Variants in BBS9 observed in about 807,000 individuals in gnomAD.
BBS9 encodes the protein protein PTHB1.
In BBS9, 89 loss-of-function variants were observed where a neutral mutation model predicts 117.7. The ratio of observed to expected loss-of-function variants is 0.76; its 90% CI spans 0.64 to 0.90. The LOEUF is 0.90. BBS9 is among the 40% of genes least tolerant of loss of function. BBS9 has a pLI of 0.00. For missense variants in BBS9, 982 were observed against 1,042.2 expected (o/e 0.94, Z 0.80); for synonymous variants, 379 against 370.9 (o/e 1.02, Z -0.25).
intron 5 of BBS9, among the ~76,000 whole-genome samples, chr7:33,247,487 T>C (rs77597156): frequency 0.038 from 5,795 of 152,186 alleles, 200 homozygotes; most frequent in African/African-American, 0.089. Flanking sequence ...CCCACCTCTT[T>C]TTAAATCCAT....
chr7:33,267,682 C>T (rs1799058589), intron 7 of BBS9, among the ~76,000 whole-genome samples: 1 of 152,070 alleles, frequency 6.6e-6, no homozygotes, highest in Admixed American at 6.5e-5. Flanking sequence ...TTTATTTTTA[C>T]ATAGGCTGTG....
At chr7:33,132,732 T>G (rs987667142) in intron 1 of BBS9, among the ~76,000 whole-genome samples, 1 of 152,210 alleles carries the variant, frequency 6.6e-6, no homozygotes, top group African/African-American at 2.4e-5. Flanking sequence ...CTCCCACACC[T>G]ACCTGCTTAT....
chr7:33,180,726 G>A (rs1394161823), intron 5 of BBS9, among the ~76,000 whole-genome samples: 2 of 152,102 alleles, frequency 1.3e-5, no homozygotes, highest in African/African-American at 4.8e-5. Flanking sequence ...CAATCTGGTG[G>A]CCCGTATGGG....
intron 21 of BBS9, among the ~76,000 whole-genome samples, chr7:33,565,841 T>A (rs1856834457): frequency 7.3e-5 from 2 of 27,256 alleles, no homozygotes; most frequent in Non-Finnish European, 1.3e-4. Flanking sequence ...CTATATATAC[T>A]GCTTATATAT....
intron 19 of BBS9, among the ~76,000 whole-genome samples, chr7:33,405,463 C>G (rs1411574181): frequency 6.6e-5 from 10 of 152,198 alleles, no homozygotes. Flanking sequence ...GGCTGTGAAT[C>G]CATCTGGTCG....
At chr7:33,516,877 C>G (rs144344590) in intron 20 of BBS9, among the ~76,000 whole-genome samples, 176 of 152,340 alleles carry the variant, frequency 1.2e-3, no homozygotes, top group African/African-American at 4.1e-3. Flanking sequence ...CAGATCTTCT[C>G]ACCCACAACA....
intron 21 of BBS9, among the ~76,000 whole-genome samples, chr7:33,572,651 G>A (rs571394465): frequency 4.6e-5 from 7 of 152,192 alleles, no homozygotes; most frequent in Middle Eastern, 3.4e-3. Flanking sequence ...GGAGTGAGAT[G>A]ATGTCTCATT....
chr7:33,335,940 C>T (rs1454457584), intron 9 of BBS9, among the ~76,000 whole-genome samples: 4 of 151,502 alleles, frequency 2.6e-5, no homozygotes, highest in Non-Finnish European at 5.9e-5. Flanking sequence ...CTTTTTTTTT[C>T]GCAAGACCTC....
In BBS9 at chr7:33,605,264, T is replaced by C; in HGVS notation, c.*38T>C. The C allele has an allele frequency of 6.3e-7, 1 of 1,596,306 alleles. No homozygotes were observed. The highest frequency in any genetic ancestry group is 8.6e-7 in the Non-Finnish European group (1 of 1,163,908). On this transcript the variant is annotated 3_prime_UTR_variant, in exon 23 of 23. Transcript: ENST00000242067. ...TGTTTGGTTGAGAGGAACATCCCCATCTCAAGGCCGAACCTGTGTGAACCT... is the reference window on the plus strand; with the variant it reads ...TGTTTGGTTGAGAGGAACATCCCCACCTCAAGGCCGAACCTGTGTGAACCT...
chr7:33,256,396 T>C (rs1039728403), intron 5 of BBS9, among the ~76,000 whole-genome samples: 8 of 152,174 alleles, frequency 5.3e-5, no homozygotes, highest in African/African-American at 1.9e-4. Context: ...TCAGGCTATT[T>C]AAGGTTGATA....
At chr7:33,214,885 G>C (rs932279992) in intron 5 of BBS9, among the ~76,000 whole-genome samples, 1 of 152,128 alleles carries the variant, frequency 6.6e-6, no homozygotes, top group Admixed American at 6.5e-5. Context: ...AATAGCCAAA[G>C]CATCCCTAAT....
chr7:33,592,672 C>G (rs1862128371), intron 21 of BBS9, among the ~76,000 whole-genome samples: 1 of 152,064 alleles, frequency 6.6e-6, no homozygotes, highest in Admixed American at 6.6e-5. Flanking sequence ...CCCAGCTGGA[C>G]TCTCAGTTTC....
intron 19 of BBS9, among the ~76,000 whole-genome samples, chr7:33,407,888 A>C (rs1432423932): frequency 1.3e-5 from 2 of 152,246 alleles, no homozygotes; most frequent in African/African-American, 4.8e-5. Context: ...GTCAGGGGTC[A>C]GGGACCCACT....
chr7:33,354,427 G>T (rs1819261237), intron 15 of BBS9, among the ~76,000 whole-genome samples: 1 of 152,138 alleles, frequency 6.6e-6, no homozygotes, highest in Non-Finnish European at 1.5e-5. Context: ...CTGCATTAAA[G>T]TTACATGGCG....
intron 21 of BBS9, among the ~76,000 whole-genome samples, chr7:33,562,735 C>T (rs1856273161): frequency 6.6e-6 from 1 of 152,102 alleles, no homozygotes; most frequent in Non-Finnish European, 1.5e-5. Flanking sequence ...ACCATCCTGG[C>T]CAACATGGTG....
At chr7:33,608,917 C>T (rs766134465), downstream of BBS9, among the ~76,000 whole-genome samples, 6 of 152,086 alleles carry the variant, frequency 3.9e-5, no homozygotes, top group Non-Finnish European at 8.8e-5. Context: ...AGGACTTACT[C>T]ATAAGTTGTT....
At chr7:33,447,459 G>A (rs991613809) in intron 19 of BBS9, among the ~76,000 whole-genome samples, 11 of 152,202 alleles carry the variant, frequency 7.2e-5, no homozygotes, top group Admixed American at 6.5e-4. Context: ...CATGGCTTCA[G>A]TGGACTTTGA....
chr7:33,312,898 G>A (rs374509041), intron 9 of BBS9, among the ~76,000 whole-genome samples: 1 of 152,110 alleles, frequency 6.6e-6, no homozygotes, highest in East Asian at 1.9e-4. Context: ...TCAGGACAGA[G>A]ATTTTTGGGT....
chr7:33,612,347 A>C (rs114629486), intron 21 of BBS9, among the ~76,000 whole-genome samples: 1 of 152,108 alleles, frequency 6.6e-6, no homozygotes, highest in Non-Finnish European at 1.5e-5. Flanking sequence ...TGGATAGAGG[A>C]TGAGAGTTGG....
Sources: allele counts gnomAD v4.1 joint callset (sites outside exome capture counted in the v4.1 genomes callset), GRCh38; gene constraint gnomAD v4.1.1; transcripts MANE v1.5; gene names NCBI Gene and HGNC (gene_info 2026-07-23, HGNC 2026-07-21).